SAXO1: variants seen among roughly 807,000 people sequenced by gnomAD.
The protein encoded by SAXO1 is stabilizer of axonemal microtubules 1, also known as 4930500O09Rik.
Under a neutral mutation model 17.5 loss-of-function variants are expected in SAXO1, and 21 were observed. The ratio of observed to expected loss-of-function variants is 1.20; its 90% CI spans 0.85 to 1.72. The LOEUF is 1.72. SAXO1 is among the 40% of genes most tolerant of loss of function. The probability of loss-of-function intolerance (pLI) is 0.00; values close to 1 mark genes in which losing one functional copy is unlikely to be tolerated. For synonymous variants in SAXO1, 274 were observed against 216.5 expected, an observed-to-expected ratio of 1.27 and a Z score of -2.33; for missense variants, 843 against 596.0, an observed-to-expected ratio of 1.41 and a Z score of -4.32.
At chr9:19,040,330 C>T (rs1441069053) in intron 1 of SAXO1, among the ~76,000 whole-genome samples, 4 of 152,080 alleles carry the variant, frequency 2.6e-5, no homozygotes, top group Non-Finnish European at 5.9e-5. Context: ...ACTCATTTAG[C>T]ATGGGTGAAA....
chr9:18,939,981 G>A (rs1831481547), intron 3 of SAXO1, among the ~76,000 whole-genome samples: 1 of 152,186 alleles, frequency 6.6e-6, no homozygotes, highest in Non-Finnish European at 1.5e-5. Context: ...CCCAGGTGTA[G>A]ACATGGGGAA....
chr9:18,982,737 T>C (rs1833443621), intron 1 of SAXO1, among the ~76,000 whole-genome samples: 1 of 152,242 alleles, frequency 6.6e-6, no homozygotes, highest in Admixed American at 6.5e-5. Context: ...TGTCTGCTTT[T>C]GAACATAACT....
intron 1 of SAXO1, among the ~76,000 whole-genome samples, chr9:19,029,860 C>G (rs546860591): frequency 9.9e-5 from 15 of 152,174 alleles, no homozygotes; most frequent in African/African-American, 3.1e-4. Flanking sequence ...ATTCCTAACC[C>G]AGTCCAGCAT....
intron 3 of SAXO1, 40 bp from the exon 4 acceptor site, chr9:18,929,095 G>C (rs900875421): frequency 6.3e-7 from 1 of 1,597,868 alleles, no homozygotes; most frequent in South Asian, 1.1e-5. Context: ...AATAAATCAA[G>C]TCAACCAACT....
Position 19,033,157 on chromosome 9 carries a change from C to T in SAXO1, c.-249G>A, listed in dbSNP as rs890732338. ...CCAGCCCGGGAGACCTCACCCTGCACGCCACCGCCCCGGCCTCCGCAGTCC... is the reference window on the plus strand; with the variant it reads ...CCAGCCCGGGAGACCTCACCCTGCATGCCACCGCCCCGGCCTCCGCAGTCC... On this transcript the variant is annotated 5_prime_UTR_variant, in exon 1 of 4. In the 5' UTR this introduces an upstream ATG that the reference lacks. Coordinates refer to ENST00000380534, the MANE Select transcript of SAXO1 (RefSeq NM_153707.4). 3 of 440,986 alleles carry T rather than the reference C, an allele frequency of 6.8e-6. No individual in the cohort carries two copies. The highest frequency in any genetic ancestry group is 3.5e-5 in the East Asian group (1 of 28,580). The allele number at this position is 440,986 out of a possible 1,614,324, so 27.3% of individuals were successfully genotyped here.
chr9:19,028,086 C>G, intron 1 of SAXO1: 1 of 1,611,980 alleles, frequency 6.2e-7, no homozygotes, highest in Non-Finnish European at 8.5e-7. Flanking sequence ...TGGAAGGCAT[C>G]CTGGAGGTCC....
intron 1 of SAXO1, among the ~76,000 whole-genome samples, chr9:18,965,541 C>T (rs960920544): frequency 1.3e-5 from 2 of 151,520 alleles, no homozygotes; most frequent in African/African-American, 4.9e-5. Context: ...GATTTAAAGT[C>T]TGTTTTATCA....
At chr9:18,974,521 C>A (rs981106141) in intron 1 of SAXO1, among the ~76,000 whole-genome samples, 1 of 152,084 alleles carries the variant, frequency 6.6e-6, no homozygotes. Flanking sequence ...ACAAGGTAAG[C>A]CTGGAACATC....
Position 18,941,763 on chromosome 9 carries a change from T to C in SAXO1, c.295A>G (p.Met99Val). The change falls in exon 3 of 4, where the codon ATG becomes GTG. Residue 99 changes from methionine (M) to valine (V), a missense_variant. Coordinates refer to ENST00000380534, the MANE Select transcript of SAXO1 (RefSeq NM_153707.4). ...YDQFVPSEENMDLLTTYKKDY... is the reference protein window; with the variant it reads ...YDQFVPSEENVDLLTTYKKDY... ...TTCTTATACGTCGTGAGCAAATCCA[T>C]ATTCTCTTCACTCGGGACGAACTGG... is the stretch of plus-strand genomic sequence containing the variant. The C allele has an allele frequency of 1.2e-6, 2 of 1,614,184 alleles. No homozygotes were observed. Among genetic ancestry groups the C allele is most frequent in the Non-Finnish European group, 1.7e-6 (2 of 1,180,020 alleles).
chr9:18,940,162 G>A (rs952628590), intron 3 of SAXO1, among the ~76,000 whole-genome samples: 23 of 152,192 alleles, frequency 1.5e-4, no homozygotes, highest in Admixed American at 3.3e-4. Flanking sequence ...GACGTCAATG[G>A]ACTGGAGGTC....
In SAXO1 at chr9:18,928,732, C is replaced by G. The variant is rs1563921809; in HGVS notation, c.745G>C (p.Gly249Arg). The change falls in exon 4 of 4, where the codon GGG (glycine) becomes CGG (arginine). Residue 249 changes from glycine (G) to arginine (R), a missense_variant. Gly to Arg is a moderately radical substitution (Grantham distance 125). Transcript: ENST00000380534. ...TQKQSYRGLM[G>R]EPAKSLKPLA... ...GGTTTCAAGCTCTTGGCAGGCTCCC[C>G]CATCAGGCCCCGGTAGGATTGTTTT... The G allele has an allele frequency of 6.2e-7, 1 of 1,614,006 alleles. No individual in the cohort carries two copies. Among genetic ancestry groups the G allele is most frequent in the Admixed American group, 1.7e-5 (1 of 60,000 alleles).
intron 1 of SAXO1, chr9:19,028,109 A>G (rs1835585715): frequency 6.2e-7 from 1 of 1,610,914 alleles, no homozygotes. Flanking sequence ...GCCAAGAAGA[A>G]AGCCAACCTA....
chr9:19,012,642 C>T (rs571769918), intron 1 of SAXO1, among the ~76,000 whole-genome samples: 1 of 152,334 alleles, frequency 6.6e-6, no homozygotes, highest in South Asian at 2.1e-4. Context: ...CAGAAGGATA[C>T]ATCAGAACGT....
intron 3 of SAXO1, among the ~76,000 whole-genome samples, chr9:18,937,431 A>T (rs1327380879): frequency 1.3e-5 from 2 of 152,318 alleles, no homozygotes; most frequent in South Asian, 2.1e-4. Flanking sequence ...GGGAATACAG[A>T]TGTTGGGCAT....
intron 1 of SAXO1, among the ~76,000 whole-genome samples, chr9:18,966,277 T>G (rs900030588): frequency 6.6e-6 from 1 of 152,222 alleles, no homozygotes; most frequent in Non-Finnish European, 1.5e-5. Flanking sequence ...TGAATTTGAA[T>G]GTTGGCCTGT....
intron 1 of SAXO1, among the ~76,000 whole-genome samples, chr9:18,961,169 CT>C (rs11417886): frequency 1.9e-3 from 270 of 145,096 alleles, no homozygotes; most frequent in East Asian, 7.6e-3. Context: ...GAAATTCTTT[CT>C]TTTTTTTTTT....
intron 1 of SAXO1, among the ~76,000 whole-genome samples, chr9:19,001,708 A>G (rs1220923367): frequency 6.6e-6 from 1 of 152,124 alleles, no homozygotes; most frequent in African/African-American, 2.4e-5. Context: ...GAGAACAAAG[A>G]CACAACGTAC....
At chr9:18,953,556 C>A (rs1014868663) in intron 1 of SAXO1, among the ~76,000 whole-genome samples, 6 of 152,094 alleles carry the variant, frequency 3.9e-5, no homozygotes, top group Admixed American at 3.3e-4. Context: ...ATATCAAAAA[C>A]CCTTATGCAA....
chr9:19,026,860 C>G (rs895036243), intron 1 of SAXO1: 4 of 656,156 alleles, frequency 6.1e-6, no homozygotes, highest in African/African-American at 3.6e-5. Context: ...GAAACCCCAT[C>G]TCTACTAAAA....
Sources: allele counts gnomAD v4.1 joint callset (sites outside exome capture counted in the v4.1 genomes callset), GRCh38; gene constraint gnomAD v4.1.1; transcripts MANE v1.5; gene names NCBI Gene and HGNC (gene_info 2026-07-23, HGNC 2026-07-21).